Variants in SDCBP2 observed in about 807,000 individuals in gnomAD.
SDCBP2 encodes syndecan binding protein 2, also known as syntenin-2.
SDCBP2 carries 28 observed loss-of-function variants against 30.7 expected under a neutral mutation model. The observed-to-expected ratio is 0.91, with a 90% confidence interval of 0.68 to 1.25. The LOEUF (loss-of-function observed/expected upper bound fraction) is 1.25. Among genes scored for constraint, SDCBP2 ranks in the 50% most tolerant of loss-of-function variants. The pLI is 0.00. For synonymous variants in SDCBP2, 166 were observed against 157.3 expected, an observed-to-expected ratio of 1.06 and a Z score of -0.41; for missense variants, 399 against 379.0, an observed-to-expected ratio of 1.05 and a Z score of -0.44.
chr20:1,326,665 C>T (rs1210853366), intron 1 of SDCBP2, among the ~76,000 whole-genome samples: 1 of 152,224 alleles, frequency 6.6e-6, no homozygotes, highest in Admixed American at 6.5e-5. Flanking sequence ...GTATTTGCCT[C>T]TTCATCATAT....
Position 1,320,488 on chromosome 20 carries a change from A to C in SDCBP2, c.-19-53T>G. The C allele has an allele frequency of 2.2e-6, 3 of 1,391,846 alleles. No homozygotes were observed. Among genetic ancestry groups the C allele is most frequent in the Non-Finnish European group, 3.0e-6 (3 of 995,164 alleles). The allele number at this position is 1,391,846 out of a possible 1,614,324, so 86.2% of individuals were successfully genotyped here. On this transcript the variant is annotated intron_variant, in intron 1 of 8. Transcript: ENST00000360779. This position sits in a 1 kb window ranked among gnomAD's most constrained non-coding sequence, Gnocchi z 4.7. ...TAAGGATGCAGCTGATGCCCCCTTGAAAGGAGGCACAGACATCCGCAACAG... is the reference window on the plus strand; with the variant it reads ...TAAGGATGCAGCTGATGCCCCCTTGCAAGGAGGCACAGACATCCGCAACAG...
intron 1 of SDCBP2, among the ~76,000 whole-genome samples, chr20:1,326,865 A>T (rs2088935003): frequency 6.6e-6 from 1 of 152,246 alleles, no homozygotes; most frequent in African/African-American, 2.4e-5. Context: ...TTCTGAAAGG[A>T]GTGGAAAAGC....
chr20:1,328,864 G>A (rs1160889881), intron 1 of SDCBP2, among the ~76,000 whole-genome samples: 1 of 152,120 alleles, frequency 6.6e-6, no homozygotes, highest in Non-Finnish European at 1.5e-5. Context: ...ATGATGTCTG[G>A]GTGAAGAAAA....
At chr20:1,318,209 G>T in intron 4 of SDCBP2, 109 bp downstream of exon 4, 2 of 785,906 alleles carry the variant, frequency 2.5e-6, no homozygotes, top group East Asian at 2.5e-5. Context: ...GCTGGGGAGA[G>T]GGGAGGTCCG....
chr20:1,317,993 T>C (rs1444113428), intron 4 of SDCBP2: 5 of 388,916 alleles, frequency 1.3e-5, no homozygotes, highest in South Asian at 2.0e-5. Flanking sequence ...TGTTTATCCA[T>C]GCAGGCAGCC....
chr20:1,314,671 C>T (rs6041342), intron 4 of SDCBP2, among the ~76,000 whole-genome samples: 147,062 of 150,790 alleles, frequency 0.98, 71,844 homozygotes, highest in East Asian at 1. Context: ...GGCCGGAGGA[C>T]CACTTGAGGC....
Position 1,324,946 on chromosome 20 carries a change from T to C in SDCBP2, c.-20+4139A>G, listed in dbSNP as rs976454604. ...AGCTTTTACAAAGTGAAATGCATAT[T>C]CTTTTATTAGAAATTACTTTCATGT... On this transcript the variant is annotated intron_variant, in intron 1 of 8. Coordinates refer to ENST00000360779, the MANE Select transcript of SDCBP2 (RefSeq NM_080489.5). This position sits in a 1 kb window ranked among gnomAD's most constrained non-coding sequence, Gnocchi z 4.7. Among the ~76,000 whole-genome samples, 9 of 152,184 alleles carry C rather than the reference T, an allele frequency of 5.9e-5. No homozygotes were observed. The highest frequency in any genetic ancestry group is 2.0e-4 in the Admixed American group (3 of 15,282).
intron 1 of SDCBP2, chr20:1,325,338 T>G (rs77359438): frequency 1.9e-4 from 29 of 152,362 alleles, no homozygotes; most frequent in African/African-American, 7.0e-4. Flanking sequence ...GCCAAGCGAC[T>G]CAGCAACTTC....
chr20:1,316,819 C>T (rs2088784581), intron 4 of SDCBP2, among the ~76,000 whole-genome samples: 1 of 152,186 alleles, frequency 6.6e-6, no homozygotes, highest in East Asian at 1.9e-4. Context: ...TTGTTTGTAA[C>T]CACCAAAAAC....
rs755548627 is a variant in SDCBP2, at chr20:1,313,451, G to C, written c.273C>G (p.Thr91=). 6.9e-6 allele frequency: 11 copies of C among 1,600,542 alleles called. No homozygotes were observed. The highest frequency in any genetic ancestry group is 9.4e-6 in the Non-Finnish European group (11 of 1,175,712). ...CTCGCCGCACGCCCAGGCTGTACCCGGTTACCGGTGCCACCATCTGGCCGG... is the reference window on the plus strand; with the variant it reads ...CTCGCCGCACGCCCAGGCTGTACCCCGTTACCGGTGCCACCATCTGGCCGG... The part of the protein sequence containing the change: ...PGPGQMVAPV[T]GYSLGVRRAE... Residue 91 remains threonine (T), a synonymous_variant, in exon 5 of 9, where the codon ACC becomes ACG. Transcript: ENST00000360779. This position sits in a 1 kb window ranked among gnomAD's most constrained non-coding sequence, Gnocchi z 5.2.
At chr20:1,322,499 A>G (rs1465849853) in intron 1 of SDCBP2, 1 of 152,236 alleles carries the variant, frequency 6.6e-6, no homozygotes, top group Admixed American at 6.5e-5. Flanking sequence ...AAGCTCTAGT[A>G]TCCTAAGAAC....
Position 1,321,734 on chromosome 20 carries a change from G to A in SDCBP2, c.-19-1299C>T, listed in dbSNP as rs1410830582. On this transcript the variant is annotated intron_variant, in intron 1 of 8. Transcript: ENST00000360779. The surrounding 1 kb of genome is among the most constrained non-coding windows in gnomAD (Gnocchi z 5.2). Reference sequence around the variant, plus strand: ...GCCTTCACGATTCCACCAGAGATTGGAACTGGTGGGCCCAGGGCCAGATGG... The same window carrying A: ...GCCTTCACGATTCCACCAGAGATTGAAACTGGTGGGCCCAGGGCCAGATGG... 1 of 152,276 alleles carries A rather than the reference G, an allele frequency of 6.6e-6. No homozygotes were observed. Among genetic ancestry groups the A allele is most frequent in the Non-Finnish European group, 1.5e-5 (1 of 68,064 alleles). 9.4% of individuals were successfully genotyped at this position (152,276 alleles called of 1,614,324 possible). A position where few individuals can be genotyped will look rare whatever the true frequency, so the allele number is the denominator to read the frequency against.
rs749661678 is a variant in SDCBP2, at chr20:1,312,765, G to A, written c.385-3C>T. ...TGGACCAACTGCACAAAGAGCCCCT[G>A]GGGGAGGCAGGGCCCCAGAGTCAGT... On this transcript the variant is annotated splice_region_variant and splice_polypyrimidine_tract_variant and intron_variant, in intron 5 of 8. Transcript: ENST00000360779. 4 of 1,606,452 alleles carry A rather than the reference G, an allele frequency of 2.5e-6. No homozygotes were observed. The highest frequency in any genetic ancestry group is 3.4e-6 in the Non-Finnish European group (4 of 1,176,550).
At position 1,313,284 on chromosome 20, in the gene SDCBP2, G is replaced by A. The variant is rs1488522427; in HGVS notation, c.384+56C>T. 2.6e-6 allele frequency: 4 copies of A among 1,557,020 alleles called. No individual in the cohort carries two copies. In the South Asian group the frequency reaches 3.5e-5, roughly 13 times the overall value. ...ACGGGCCCTCTGAGCTCTGAGGCCTGGCGGGAGAGCGCGTGCAGCTCGAGC... is the reference window on the plus strand; with the variant it reads ...ACGGGCCCTCTGAGCTCTGAGGCCTAGCGGGAGAGCGCGTGCAGCTCGAGC... On this transcript the variant is annotated intron_variant, in intron 5 of 8. Transcript: ENST00000360779. This position sits in a 1 kb window ranked among gnomAD's most constrained non-coding sequence, Gnocchi z 5.2.
chr20:1,326,600 C>G (rs2088931260), intron 1 of SDCBP2, among the ~76,000 whole-genome samples: 1 of 152,222 alleles, frequency 6.6e-6, no homozygotes, highest in South Asian at 2.1e-4. Context: ...AGCTTTCCCC[C>G]ACCTGTACGC....
At position 1,310,859 on chromosome 20, in the gene SDCBP2, AGCCGTG is replaced by A. The variant is rs779043877; in HGVS notation, c.759_764del (p.Thr254_Ala255del). The stretch of plus-strand genomic sequence containing the variant: ...TGATGGTCAGGGTGACAACGTTCCC[AGCCGTG>A]GCCAGAATCTCCATGATCTTTTTGT... On this transcript the variant is annotated inframe_deletion, in exon 8 of 9. Transcript: ENST00000360779. 6.2e-7 allele frequency: 1 copy of A among 1,614,060 alleles called. No individual in the cohort carries two copies. Among genetic ancestry groups the A allele is most frequent in the Non-Finnish European group, 8.5e-7 (1 of 1,179,956 alleles).
intron 1 of SDCBP2, among the ~76,000 whole-genome samples, chr20:1,327,548 C>T (rs1348423413): frequency 6.6e-6 from 1 of 152,232 alleles, no homozygotes; most frequent in African/African-American, 2.4e-5. Flanking sequence ...GCTGCACTGC[C>T]TGCTGGGGAA....
rs1169950190 is a variant in SDCBP2 at position 1,314,466 on chromosome 20, G to C, written c.226-968C>G. Among the ~76,000 whole-genome samples the C allele has an allele frequency of 2.8e-5, 3 of 107,198 alleles. No homozygotes were observed. In the East Asian group the frequency reaches 7.8e-4, roughly 28 times the overall value. The allele number at this position is 107,198 out of a possible 152,430, so 70.3% of individuals were successfully genotyped here. A position where few individuals can be genotyped will look rare whatever the true frequency, so the allele number is the denominator to read the frequency against. On this transcript the variant is annotated intron_variant, in intron 4 of 8. Coordinates refer to ENST00000360779, the MANE Select transcript of SDCBP2 (RefSeq NM_080489.5). ...TGAGCCACTGCTCAGTCCAGCCTAGGTGACAGAGCAAGACTCCACCTCAAA... is the reference window on the plus strand; with the variant it reads ...TGAGCCACTGCTCAGTCCAGCCTAGCTGACAGAGCAAGACTCCACCTCAAA...
intron 1 of SDCBP2, among the ~76,000 whole-genome samples, chr20:1,328,393 G>T (rs182590987): frequency 6.6e-6 from 1 of 152,138 alleles, no homozygotes; most frequent in South Asian, 2.1e-4. Flanking sequence ...CAGGAGCCCA[G>T]GTGGGAAGTG....
Sources: gnomAD v4.1 joint callset for allele counts (sites outside exome capture counted in the v4.1 genomes callset) on GRCh38, gnomAD v4.1.1 for gene constraint, Gnocchi (gnomAD v3.1) non-coding constraint, MANE v1.5 for transcripts, NCBI Gene and HGNC (gene_info 2026-07-23, HGNC 2026-07-21) for gene names.